CTNNA1: variants seen among roughly 807,000 people sequenced by gnomAD.
CTNNA1 encodes catenin alpha 1.
CTNNA1 carries 37 observed loss-of-function variants against 98.4 expected under a neutral mutation model. The observed-to-expected ratio is 0.38, with a 90% CI of 0.29 to 0.49. The LOEUF is 0.49. Ranked by LOEUF, CTNNA1 falls within the 20% of genes least tolerant of loss-of-function variation. CTNNA1 has a pLI of 0.95. For missense variants in CTNNA1, 761 were observed against 1,147.2 expected (o/e 0.66, Z 4.86); for synonymous variants, 404 against 413.2 (o/e 0.98, Z 0.27).
At chr5:138,931,775 T>C (rs1228809772) in intron 16 of CTNNA1, 1 of 985,404 alleles carries the variant, frequency 1.0e-6, no homozygotes, top group East Asian at 1.1e-4. Flanking sequence ...CCTGCTTCCA[T>C]GACTACTTAG....
chr5:138,878,260 G>T (rs1254491140), intron 7 of CTNNA1, among the ~76,000 whole-genome samples: 4 of 152,214 alleles, frequency 2.6e-5, no homozygotes. Context: ...GGTTCAGGCT[G>T]TGGAACCAAA....
chr5:138,930,649 T>C lies in CTNNA1; in HGVS notation c.2187T>C (p.Phe729=), dbSNP rs768209345. The C allele has an allele frequency of 1.2e-6, 2 of 1,611,820 alleles. No individual in the cohort carries two copies. The highest frequency in any genetic ancestry group is 1.3e-5 in the African/African-American group (1 of 74,878). Residue 729 remains phenylalanine (F), a synonymous_variant, in exon 15 of 18, where the codon TTT becomes TTC. Coordinates refer to ENST00000302763, the MANE Select transcript of CTNNA1 (RefSeq NM_001903.5). The part of the protein sequence containing the change: ...MCMIMMEMTD[F]TRGKGPLKNT... Reference sequence around the variant, plus strand: ...TGATTATGATGGAGATGACAGACTTTACCCGGTGAGCAGCACCCCGGCCCC... The same window carrying C: ...TGATTATGATGGAGATGACAGACTTCACCCGGTGAGCAGCACCCCGGCCCC...
rs70982740 is a variant in CTNNA1 at position 138,910,226 on chromosome 5, CTTTTTTTTTTTTTTTTTTT to C, written c.1389+5794_1389+5812del. 1.3e-4 allele frequency among the ~76,000 whole-genome samples: 7 copies of C among 53,268 alleles called. No homozygotes were observed. In the Middle Eastern group the frequency reaches 0.081, roughly 614 times the overall value. The allele number at this position is 53,268 out of a possible 152,430, so 34.9% of individuals were successfully genotyped here. A position where few individuals can be genotyped will look rare whatever the true frequency, so the allele number is the denominator to read the frequency against. ...AAATTGGAAAGTGTTTCCTACTTTT[CTTTTTTTTTTTTTTTTTTT>C]TTTTTTTTGGAAAAATCTGTGTATA... is the stretch of plus-strand genomic sequence containing the variant. On this transcript the variant is annotated intron_variant, in intron 10 of 17. Transcript: ENST00000302763.
At chr5:138,765,216 T>G (rs986594854) in intron 1 of CTNNA1, among the ~76,000 whole-genome samples, 2 of 152,112 alleles carry the variant, frequency 1.3e-5, no homozygotes, top group African/African-American at 4.8e-5. Context: ...AATTTTCATA[T>G]TTTTAGTAGA....
intron 3 of CTNNA1, among the ~76,000 whole-genome samples, chr5:138,796,530 C>T (rs1188655777): frequency 1.5e-5 from 2 of 134,776 alleles, no homozygotes; most frequent in Non-Finnish European, 3.1e-5. Context: ...AGCGACTGAG[C>T]GAGACTCCGT....
chr5:138,901,681 G>A (rs565778173), intron 9 of CTNNA1, among the ~76,000 whole-genome samples: 1 of 152,242 alleles, frequency 6.6e-6, no homozygotes, highest in Non-Finnish European at 1.5e-5. Context: ...CTCTTGCCTT[G>A]GACTGGAAGC....
At chr5:138,884,695 C>G (rs984682846) in intron 7 of CTNNA1, among the ~76,000 whole-genome samples, 17 of 152,208 alleles carry the variant, frequency 1.1e-4, no homozygotes, top group Non-Finnish European at 8.8e-5. Flanking sequence ...GCCTGAATTC[C>G]AAAGGGAGGA....
intron 7 of CTNNA1, among the ~76,000 whole-genome samples, chr5:138,885,463 TA>T (rs910738110): frequency 1.3e-5 from 2 of 152,114 alleles, no homozygotes; most frequent in Non-Finnish European, 2.9e-5. Flanking sequence ...ACCTGGGATT[TA>T]AAAAAAGACT....
chr5:138,854,192 G>A (rs76605666), intron 7 of CTNNA1, among the ~76,000 whole-genome samples: 1 of 152,090 alleles, frequency 6.6e-6, no homozygotes, highest in Non-Finnish European at 1.5e-5. Context: ...GGATATCTGC[G>A]AATTATTTAT....
At chr5:138,898,158 AC>A (rs201549123) in intron 9 of CTNNA1, among the ~76,000 whole-genome samples, 1,897 of 61,210 alleles carry the variant, frequency 0.031, 12 homozygotes, top group African/African-American at 0.071. Flanking sequence ...TTCCTCCCCC[AC>A]CCCCCCCCAC....
At chr5:138,778,082 C>T (rs1312463920) in intron 1 of CTNNA1, among the ~76,000 whole-genome samples, 3 of 141,278 alleles carry the variant, frequency 2.1e-5, no homozygotes, top group Admixed American at 7.8e-5. Context: ...AAGTTCTGCT[C>T]CCCCAGGTTC....
At chr5:138,903,557 T>C (rs1758547829) in intron 9 of CTNNA1, among the ~76,000 whole-genome samples, 1 of 152,206 alleles carries the variant, frequency 6.6e-6, no homozygotes, top group South Asian at 2.1e-4. Flanking sequence ...CACTACGCAG[T>C]AACATTCCAG....
intron 7 of CTNNA1, chr5:138,875,359 A>G (rs1751249840): frequency 2.0e-6 from 2 of 994,192 alleles, no homozygotes; most frequent in Middle Eastern, 5.1e-4. Flanking sequence ...TGCTGCGACC[A>G]CACAGAACTG....
At chr5:138,758,314 G>T (rs1751922923) in intron 1 of CTNNA1, among the ~76,000 whole-genome samples, 1 of 152,034 alleles carries the variant, frequency 6.6e-6, no homozygotes, top group African/African-American at 2.4e-5. Context: ...CCGTTCTCCT[G>T]CCTCAGCCTC....
chr5:138,810,859 A>G (rs1183595124), intron 4 of CTNNA1, among the ~76,000 whole-genome samples: 1 of 148,356 alleles, frequency 6.7e-6, no homozygotes, highest in African/African-American at 2.5e-5. Flanking sequence ...CTTCCCCAGT[A>G]GGGGCGGCCG....
intron 1 of CTNNA1, among the ~76,000 whole-genome samples, chr5:138,763,408 A>G (rs114105098): frequency 0.011 from 1,675 of 152,288 alleles, 27 homozygotes; most frequent in African/African-American, 0.038. Context: ...CAATATTTCA[A>G]TATTAATCCA....
At chr5:138,846,836 T>C (rs1296123149) in intron 7 of CTNNA1, among the ~76,000 whole-genome samples, 1 of 152,188 alleles carries the variant, frequency 6.6e-6, no homozygotes, top group African/African-American at 2.4e-5. Flanking sequence ...CAGGGTGTCT[T>C]CTCTCTGAAA....
chr5:138,834,177 A>C (rs1405048669), intron 7 of CTNNA1, among the ~76,000 whole-genome samples: 2 of 152,210 alleles, frequency 1.3e-5, no homozygotes. Context: ...GAGCTTTTGA[A>C]GGACTCTGAA....
intron 9 of CTNNA1, among the ~76,000 whole-genome samples, chr5:138,894,281 C>CTTTTTTTTTTTTTT (rs539073038): frequency 1.6e-5 from 2 of 123,948 alleles, no homozygotes. Flanking sequence ...TTTTCTTTCT[C>CTTTTTTTTTTTTTT]TTTTTTTTTT....
Sources: allele counts gnomAD v4.1 joint callset (sites outside exome capture counted in the v4.1 genomes callset), GRCh38; gene constraint gnomAD v4.1.1; transcripts MANE v1.5; gene names NCBI Gene and HGNC (gene_info 2026-07-23, HGNC 2026-07-21).